Variants in ZNF25 observed in about 807,000 individuals in gnomAD.
ZNF25 encodes zinc finger protein 25 (KOX 19).
In ZNF25, 21 loss-of-function variants were observed where a neutral mutation model predicts 30.9. The ratio of observed to expected loss-of-function variants is 0.68; its 90% CI spans 0.48 to 0.98. ZNF25 has a LOEUF of 0.98. ZNF25 is among the 50% of genes least tolerant of loss of function. ZNF25 has a pLI of 0.00. For synonymous variants in ZNF25, 169 were observed against 181.3 expected (o/e 0.93, Z 0.55); for missense variants, 501 against 529.9 (o/e 0.95, Z 0.54).
rs1444416715 is a variant in ZNF25 at position 37,949,598 on chromosome 10, G to A, written c.*2529C>T. On this transcript the variant is annotated 3_prime_UTR_variant, in exon 6 of 6. Transcript: ENST00000302609. The stretch of plus-strand genomic sequence containing the variant: ...TCAATGAAAGTCTTTATTAGGAAGG[G>A]GAAGTAAGACGCTGGCAGGTTTAGA... The A allele has an allele frequency of 1.3e-5, 2 of 152,122 alleles. No homozygotes were observed. The highest frequency in any genetic ancestry group is 2.9e-5 in the Non-Finnish European group (2 of 68,028). 9.4% of individuals were successfully genotyped at this position (152,122 alleles called of 1,614,324 possible).
At chr10:37,961,026 ATGAC>A (rs1252245689) in intron 2 of ZNF25, among the ~76,000 whole-genome samples, 1 of 152,172 alleles carries the variant, frequency 6.6e-6, no homozygotes, top group African/African-American at 2.4e-5. Context: ...GGACAGAAGG[ATGAC>A]TGATAGGAAA....
At chr10:37,956,798 C>G (rs1348511682) in intron 4 of ZNF25, among the ~76,000 whole-genome samples, 1 of 151,628 alleles carries the variant, frequency 6.6e-6, no homozygotes, top group Non-Finnish European at 1.5e-5. Flanking sequence ...GCCTGTAATC[C>G]CAGCTACTCG....
intron 4 of ZNF25, 54 bp downstream of exon 4, chr10:37,956,966 C>A: frequency 1.6e-6 from 2 of 1,273,156 alleles, no homozygotes; most frequent in South Asian, 1.3e-5. Flanking sequence ...CTTCAGAAGG[C>A]AAGAGGCACC....
At position 37,952,677 on chromosome 10, in the gene ZNF25, G is replaced by A; in HGVS notation, c.821C>T (p.Thr274Ile). The A allele has an allele frequency of 6.2e-7, 1 of 1,613,046 alleles. No individual in the cohort carries two copies. Residue 274 changes from threonine to isoleucine, a missense_variant, in exon 6 of 6, where the codon ACA becomes ATA. Coordinates refer to ENST00000302609, the MANE Select transcript of ZNF25 (RefSeq NM_145011.4). ...CCCTGTGTGCATTCTCTGATGTACT[G>A]TGAGGTGTGACTTCTGGGAAAAGGC... ...GKAFSQKSHL[T>I]VHQRMHTGEK...
intron 2 of ZNF25, among the ~76,000 whole-genome samples, chr10:37,965,789 T>C (rs2063147571): frequency 6.6e-6 from 1 of 152,178 alleles, no homozygotes. Context: ...TTGCTTCCTA[T>C]AGGATTTAAA....
intron 2 of ZNF25, among the ~76,000 whole-genome samples, chr10:37,964,026 TC>T (rs1210822747): frequency 1.3e-5 from 2 of 152,020 alleles, no homozygotes; most frequent in African/African-American, 4.8e-5. Context: ...CCCTTATCTC[TC>T]TCTCTTGCTC....
Position 37,952,045 on chromosome 10 carries a change from C to T in ZNF25, c.*82G>A, listed in dbSNP as rs1590165466. On this transcript the variant is annotated 3_prime_UTR_variant, in exon 6 of 6. Coordinates refer to ENST00000302609, the MANE Select transcript of ZNF25 (RefSeq NM_145011.4). ...AGCTGAAAATTTCCCTCTATTGATGCGATTCATAAGGTGTACCTCTTGTGT... is the reference window on the plus strand; with the variant it reads ...AGCTGAAAATTTCCCTCTATTGATGTGATTCATAAGGTGTACCTCTTGTGT... The T allele has an allele frequency of 1.3e-5, 17 of 1,335,710 alleles. No homozygotes were observed. Among genetic ancestry groups the T allele is most frequent in the Admixed American group, 2.5e-5 (1 of 40,014 alleles). The allele number at this position is 1,335,710 out of a possible 1,614,324, so 82.7% of individuals were successfully genotyped here.
At chr10:37,957,590 A>G (rs772804841) in intron 2 of ZNF25, 44 bp from the exon 3 acceptor site, 1 of 1,581,104 alleles carries the variant, frequency 6.3e-7, no homozygotes, top group Admixed American at 1.8e-5. Flanking sequence ...ACCAGAATAG[A>G]TTGCATACCA....
intron 2 of ZNF25, among the ~76,000 whole-genome samples, chr10:37,966,417 TA>T (rs35782288): frequency 0.029 from 3,972 of 135,690 alleles, 153 homozygotes; most frequent in African/African-American, 0.093. Flanking sequence ...CCATCTCAAT[TA>T]AAAAAAAAAA....
At chr10:37,966,958 C>G (rs1035410120) in intron 2 of ZNF25, among the ~76,000 whole-genome samples, 1 of 152,012 alleles carries the variant, frequency 6.6e-6, no homozygotes, top group Non-Finnish European at 1.5e-5. Context: ...AATTTAGATC[C>G]AAAGACACAA....
intron 2 of ZNF25, among the ~76,000 whole-genome samples, chr10:37,969,698 T>C (rs1369308262): frequency 6.6e-6 from 1 of 152,218 alleles, no homozygotes; most frequent in African/African-American, 2.4e-5. Flanking sequence ...GAGGTGGTGT[T>C]ACACAATACT....
At chr10:37,969,194 C>A (rs1273324460) in intron 2 of ZNF25, among the ~76,000 whole-genome samples, 1 of 152,154 alleles carries the variant, frequency 6.6e-6, no homozygotes, top group Non-Finnish European at 1.5e-5. Flanking sequence ...TAAAACGGTG[C>A]AGCTGCTGTG....
intron 2 of ZNF25, among the ~76,000 whole-genome samples, chr10:37,963,442 G>T (rs889822091): frequency 1.3e-5 from 2 of 152,084 alleles, no homozygotes; most frequent in Non-Finnish European, 2.9e-5. Context: ...ACTTAATAAA[G>T]AAAGAGGCTG....
At chr10:37,953,497 T>G in intron 5 of ZNF25, 198 bp downstream of exon 5, 1 of 624,476 alleles carries the variant, frequency 1.6e-6, no homozygotes, top group South Asian at 2.1e-5. Flanking sequence ...AAAGACCACT[T>G]CAAAGTTTCA....
At chr10:37,956,560 G>C (rs1159612336) in intron 4 of ZNF25, among the ~76,000 whole-genome samples, 1 of 152,072 alleles carries the variant, frequency 6.6e-6, no homozygotes, top group African/African-American at 2.4e-5. Flanking sequence ...GTGTGAATTA[G>C]GTTTTTTTAC....
chr10:37,974,256 A>C (rs763630512), intron 1 of ZNF25, among the ~76,000 whole-genome samples: 3 of 152,210 alleles, frequency 2.0e-5, no homozygotes, highest in South Asian at 4.1e-4. Context: ...ACAAGCAACA[A>C]AGGCAAAAAT....
chr10:37,952,477 G>A lies in ZNF25; in HGVS notation c.1021C>T (p.Pro341Ser), dbSNP rs2062208595. 2 of 1,613,252 alleles carry A rather than the reference G, an allele frequency of 1.2e-6. No individual in the cohort carries two copies. The highest frequency in any genetic ancestry group is 2.7e-5 in the African/African-American group (2 of 74,906). Reference protein sequence around the residue: ...VHQRTHTGEKPFECNKCGKTF... With the variant: ...VHQRTHTGEKSFECNKCGKTF... The stretch of plus-strand genomic sequence containing the variant: ...TTCCCACATTTATTACATTCAAAGG[G>A]TTTCTCCCCTGTGTGAGTTCGCTGA... The change falls in exon 6 of 6, where the codon CCC becomes TCC. Residue 341 changes from proline to serine, a missense_variant. By Grantham distance (74) the Pro-to-Ser change is moderately conservative. Transcript: ENST00000302609.
intron 4 of ZNF25, among the ~76,000 whole-genome samples, chr10:37,954,073 C>A (rs556411746): frequency 3.5e-4 from 53 of 152,118 alleles, no homozygotes; most frequent in African/African-American, 1.3e-3. Context: ...TGTTGCTGAA[C>A]GGGAGTGTGG....
chr10:37,961,921 T>C (rs1325782892), intron 2 of ZNF25, among the ~76,000 whole-genome samples: 4 of 42,918 alleles, frequency 9.3e-5, no homozygotes, highest in Admixed American at 6.7e-4. Context: ...AAACTCCATC[T>C]CAAAAAAAAA....
Sources: allele counts gnomAD v4.1 joint callset (sites outside exome capture counted in the v4.1 genomes callset), GRCh38; gene constraint gnomAD v4.1.1; transcripts MANE v1.5; gene names NCBI Gene and HGNC (gene_info 2026-07-23, HGNC 2026-07-21).